Variants in ABCC4 observed in about 807,000 individuals in gnomAD.
ABCC4 encodes ATP-binding cassette sub-family C member 4.
Under a neutral mutation model 168.5 loss-of-function variants are expected in ABCC4, and 102 were observed. The ratio of observed to expected loss-of-function variants is 0.61; its 90% CI spans 0.52 to 0.71. The LOEUF is 0.71. Ranked by LOEUF, ABCC4 falls within the 30% of genes least tolerant of loss-of-function variation. The pLI is 0.00. For missense variants in ABCC4, 1,402 were observed against 1,605.8 expected (o/e 0.87, Z 2.17); for synonymous variants, 617 against 590.7 (o/e 1.04, Z -0.65).
intron 19 of ABCC4, among the ~76,000 whole-genome samples, chr13:95,159,125 AT>A (rs2036993903): frequency 5.5e-5 from 7 of 128,376 alleles, no homozygotes; most frequent in African/African-American, 2.1e-4. Context: ...ATATATATAT[AT>A]ATATATAACT....
intron 20 of ABCC4, chr13:95,096,016 T>A: frequency 2.5e-6 from 1 of 407,040 alleles, no homozygotes; most frequent in Non-Finnish European, 4.3e-6. Context: ...GCAAAACAAA[T>A]GAAAATTCTA....
intron 4 of ABCC4, among the ~76,000 whole-genome samples, chr13:95,220,433 T>C (rs1376382155): frequency 1.3e-5 from 2 of 152,180 alleles, no homozygotes; most frequent in African/African-American, 4.8e-5. Context: ...AATCCGAAAG[T>C]AACAGTACAC....
chr13:95,064,246 GT>G (rs1345320563), intron 25 of ABCC4, among the ~76,000 whole-genome samples: 1 of 7,684 alleles, frequency 1.3e-4, no homozygotes, highest in Admixed American at 1.4e-3. Flanking sequence ...GTACATCCGG[GT>G]GTGTGTGTGT....
At chr13:95,163,578 G>C (rs369238360) in intron 17 of ABCC4, 32 bp downstream of exon 17, 1 of 1,585,516 alleles carries the variant, frequency 6.3e-7, no homozygotes, top group African/African-American at 1.3e-5. Flanking sequence ...TGATTTTGGA[G>C]TATTTCATAC....
chr13:95,270,120 G>A (rs2040808112), intron 1 of ABCC4, among the ~76,000 whole-genome samples: 3 of 152,144 alleles, frequency 2.0e-5, no homozygotes, highest in East Asian at 1.9e-4. Context: ...GCTCTTCAAC[G>A]TTGGGCATTT....
chr13:95,219,903 TG>T (rs1192509986), intron 4 of ABCC4, among the ~76,000 whole-genome samples: 1 of 150,586 alleles, frequency 6.6e-6, no homozygotes, highest in Non-Finnish European at 1.5e-5. Context: ...TTGCCCAGGC[TG>T]GAGTGCAATG....
intron 1 of ABCC4, among the ~76,000 whole-genome samples, chr13:95,262,957 G>T (rs573231869): frequency 6.6e-6 from 1 of 152,032 alleles, no homozygotes; most frequent in African/African-American, 2.4e-5. Flanking sequence ...TCTTATTCCC[G>T]CTCTTAGAGT....
chr13:95,040,257 G>A (rs192736332), intron 29 of ABCC4, among the ~76,000 whole-genome samples: 1 of 152,184 alleles, frequency 6.6e-6, no homozygotes, highest in Non-Finnish European at 1.5e-5. Flanking sequence ...TTTTGAGATG[G>A]ATCTCACTCT....
intron 1 of ABCC4, among the ~76,000 whole-genome samples, chr13:95,279,512 G>A (rs573732146): frequency 2.6e-5 from 4 of 152,298 alleles, no homozygotes; most frequent in Admixed American, 1.3e-4. Context: ...AACTGTTCAC[G>A]AAAAAGTCTC....
At chr13:95,131,587 C>G (rs986623142) in intron 19 of ABCC4, among the ~76,000 whole-genome samples, 9 of 152,132 alleles carry the variant, frequency 5.9e-5, no homozygotes, top group African/African-American at 1.4e-4. Context: ...CGAGATCGCA[C>G]CACTGCACTC....
intron 1 of ABCC4, among the ~76,000 whole-genome samples, chr13:95,291,758 G>A (rs1330854970): frequency 6.6e-6 from 1 of 152,084 alleles, no homozygotes; most frequent in Non-Finnish European, 1.5e-5. Context: ...GACCACATTG[G>A]CCAACATGAT....
At chr13:95,232,540 G>C (rs932239970) in intron 4 of ABCC4, among the ~76,000 whole-genome samples, 1 of 151,974 alleles carries the variant, frequency 6.6e-6, no homozygotes, top group African/African-American at 2.4e-5. Context: ...AGCTGGGTGT[G>C]GTGGCCCATG....
chr13:95,148,325 C>T (rs2139501225), intron 19 of ABCC4, among the ~76,000 whole-genome samples: 1 of 152,212 alleles, frequency 6.6e-6, no homozygotes, highest in African/African-American at 2.4e-5. Context: ...CTGAGATTCA[C>T]ATTTGGGCAG....
chr13:95,297,276 AAAAAGAAAG>A (rs1367225643), intron 1 of ABCC4, among the ~76,000 whole-genome samples: 24 of 151,688 alleles, frequency 1.6e-4, no homozygotes, highest in African/African-American at 2.4e-4. Context: ...CATAAAAAAA[AAAAAGAAAG>A]AAAAAAGAAA....
intron 20 of ABCC4, chr13:95,096,004 G>C (rs797000010): frequency 2.0e-5 from 8 of 404,354 alleles, no homozygotes; most frequent in African/African-American, 1.6e-4. Flanking sequence ...AAAAGTATAA[G>C]AGCAAAACAA....
In ABCC4 at chr13:95,179,675, G is replaced by A. The variant is rs140627856; in HGVS notation, c.1546-1584C>T. On this transcript the variant is annotated intron_variant, in intron 11 of 30. Coordinates refer to ENST00000645237, the MANE Select transcript of ABCC4 (RefSeq NM_005845.5). Reference sequence around the variant, plus strand: ...ATAGACAAAAGGTGTGGAGAACATCGCTGGGTATTGACTGAGCTGCATAAG... The same window carrying A: ...ATAGACAAAAGGTGTGGAGAACATCACTGGGTATTGACTGAGCTGCATAAG... 2.2e-3 allele frequency among the ~76,000 whole-genome samples: 342 copies of A among 152,276 alleles called. 3 individuals carry two copies. Among genetic ancestry groups the A allele is most frequent in the Middle Eastern group, 0.014 (4 of 294 alleles).
At chr13:95,299,320 G>A (rs1202476045) in intron 1 of ABCC4, among the ~76,000 whole-genome samples, 1 of 149,150 alleles carries the variant, frequency 6.7e-6, no homozygotes, top group African/African-American at 2.5e-5. Flanking sequence ...GAGACCATTT[G>A]TCTACCTCAA....
intron 1 of ABCC4, among the ~76,000 whole-genome samples, chr13:95,272,289 A>ACATGC (rs71706199): frequency 6.6e-6 from 1 of 151,436 alleles, no homozygotes; most frequent in African/African-American, 2.4e-5. Context: ...CAGGTGATCC[A>ACATGC]CTTGGCCTCC....
chr13:95,023,842 T>C (rs2031237142), intron 30 of ABCC4, among the ~76,000 whole-genome samples: 1 of 152,132 alleles, frequency 6.6e-6, no homozygotes, highest in Admixed American at 6.5e-5. Flanking sequence ...TATGGTAACC[T>C]GGGAGGCAGA....
Sources: allele counts gnomAD v4.1 joint callset (sites outside exome capture counted in the v4.1 genomes callset), GRCh38; gene constraint gnomAD v4.1.1; transcripts MANE v1.5; gene names NCBI Gene and HGNC (gene_info 2026-07-23, HGNC 2026-07-21).